JAML: variants seen among roughly 807,000 people sequenced by gnomAD.
JAML encodes junction adhesion molecule like.
JAML carries 25 observed loss-of-function variants against 39.3 expected under a neutral mutation model. The ratio of observed to expected loss-of-function variants is 0.64; its 90% CI spans 0.46 to 0.89. JAML has a LOEUF of 0.89. Among genes scored for constraint, JAML ranks in the 40% least tolerant of loss-of-function variants. The pLI is 0.00. For synonymous variants in JAML, 162 were observed against 179.2 expected (o/e 0.90, Z 0.77); for missense variants, 440 against 486.9 (o/e 0.90, Z 0.91).
rs988125006 is a variant in JAML at position 118,221,777 on chromosome 11, T to C, written c.-21+3164A>G. On this transcript the variant is annotated intron_variant, in intron 1 of 9. Coordinates refer to ENST00000356289, the MANE Select transcript of JAML (RefSeq NM_001098526.2). ...GAGTCTTTTGTGGTTTAATCATTTA[T>C]TGATTCTTTTCCCCTCCATGGAGAG... is the stretch of plus-strand genomic sequence containing the variant. Among the ~76,000 whole-genome samples, 9 of 152,348 alleles carry C rather than the reference T, an allele frequency of 5.9e-5. 1 individual carries two copies. The South Asian group carries it at 1.0e-3, about 18-fold the overall frequency.
chr11:118,213,163 G>T, intron 2 of JAML: 1 of 1,400,144 alleles, frequency 7.1e-7, no homozygotes. Context: ...CAGCTTTCCA[G>T]CCTCTAGGTG....
At chr11:118,221,707 C>T (rs1316767825) in intron 1 of JAML, among the ~76,000 whole-genome samples, 1 of 152,172 alleles carries the variant, frequency 6.6e-6, no homozygotes, top group East Asian at 1.9e-4. Context: ...TAAAGCTTTG[C>T]CCTCTCACAG....
intron 1 of JAML, among the ~76,000 whole-genome samples, chr11:118,221,442 C>T (rs538667977): frequency 2.6e-5 from 4 of 152,320 alleles, no homozygotes; most frequent in East Asian, 3.9e-4. Context: ...ACTGTTCCAC[C>T]TCAGATCACC....
intron 2 of JAML, chr11:118,213,460 G>T (rs916960015): frequency 1.1e-4 from 31 of 270,420 alleles, no homozygotes; most frequent in Non-Finnish European, 1.6e-4. Flanking sequence ...CAGCAGGGAG[G>T]ACACAAAAGA....
intron 5 of JAML, chr11:118,203,867 C>T (rs2134654385): frequency 1.8e-6 from 1 of 551,876 alleles, no homozygotes; most frequent in South Asian, 2.3e-5. Flanking sequence ...CATCACAAAA[C>T]CATGAACAGT....
chr11:118,211,444 T>C (rs1467668574), intron 3 of JAML, among the ~76,000 whole-genome samples: 1 of 152,094 alleles, frequency 6.6e-6, no homozygotes, highest in African/African-American at 2.4e-5. Flanking sequence ...GATGGGGTTT[T>C]GCCATGTTGC....
intron 1 of JAML, among the ~76,000 whole-genome samples, chr11:118,215,953 C>T (rs189344086): frequency 1.3e-5 from 2 of 152,260 alleles, no homozygotes; most frequent in Middle Eastern, 3.4e-3. Flanking sequence ...GCCACCCTGC[C>T]GCTGGGGAGA....
intron 1 of JAML, among the ~76,000 whole-genome samples, chr11:118,223,225 A>G (rs1016794505): frequency 3.9e-5 from 6 of 152,058 alleles, no homozygotes; most frequent in African/African-American, 1.4e-4. Context: ...TTTAAAGGGG[A>G]TTACTTAGTT....
At chr11:118,205,721 T>C in intron 5 of JAML, 161 bp downstream of exon 5, 1 of 622,074 alleles carries the variant, frequency 1.6e-6, no homozygotes, top group Admixed American at 2.9e-5. Flanking sequence ...ATTGGAGTTA[T>C]CTTTCCCACC....
rs1210449070 is a variant in JAML at position 118,219,314 on chromosome 11, C to T, written c.-20-4428G>A. Among the ~76,000 whole-genome samples the T allele has an allele frequency of 2.0e-5, 3 of 152,150 alleles. No individual in the cohort carries two copies. In the East Asian group the frequency reaches 5.8e-4, roughly 29 times the overall value. ...ATGCAGAGAAAAGGGGACTCTTATA[C>T]ATTATTGGTAGGAATGCAAACTAGT... On this transcript the variant is annotated intron_variant, in intron 1 of 9. Transcript: ENST00000356289.
Position 118,198,058 on chromosome 11 carries a change from C to T in JAML, c.945G>A (p.Thr315=), listed in dbSNP as rs764401421. The stretch of plus-strand genomic sequence containing the variant: ...CTTTTATCTCTGGATTAGTCTTCTT[C>T]GTGTTCTTCACCAAGACTGTAGAAT... ...SVNSTVLVKN[T]KKTNPEIKEK... The change falls in exon 8 of 10, where the codon ACG becomes ACA. Residue 315 remains threonine, a synonymous_variant. Coordinates refer to ENST00000356289, the MANE Select transcript of JAML (RefSeq NM_001098526.2). 9.3e-6 allele frequency: 15 copies of T among 1,614,034 alleles called. No individual in the cohort carries two copies. The highest frequency in any genetic ancestry group is 2.2e-5 in the East Asian group (1 of 44,900).
intron 1 of JAML, among the ~76,000 whole-genome samples, chr11:118,223,575 G>A (rs570762990): frequency 7.2e-5 from 11 of 152,246 alleles, no homozygotes; most frequent in Admixed American, 1.3e-4. Context: ...AGAGGAAATA[G>A]ATTCGGTTGG....
At chr11:118,210,087 A>G (rs1189379952) in intron 4 of JAML, among the ~76,000 whole-genome samples, 1 of 152,182 alleles carries the variant, frequency 6.6e-6, no homozygotes, top group Non-Finnish European at 1.5e-5. Context: ...TAAAATACAG[A>G]TGTAGCATCA....
At chr11:118,200,721 AG>A in intron 6 of JAML, 109 bp from the exon 7 acceptor site, 1 of 1,276,088 alleles carries the variant, frequency 7.8e-7, no homozygotes, top group Non-Finnish European at 1.1e-6. Context: ...GCGGAGGGGA[AG>A]GCCAGACTCC....
intron 6 of JAML, 72 bp from the exon 7 acceptor site, chr11:118,200,684 A>G: frequency 6.4e-7 from 1 of 1,561,294 alleles, no homozygotes; most frequent in Non-Finnish European, 8.8e-7. Flanking sequence ...ACAGCCCTAT[A>G]CCAAGTAGCA....
chr11:118,204,050 C>A, intron 5 of JAML: 2 of 223,534 alleles, frequency 8.9e-6, no homozygotes, highest in South Asian at 1.3e-4. Context: ...CAAACCAGTT[C>A]TTTCCAGTCC....
chr11:118,222,513 G>A lies in JAML; in HGVS notation c.-21+2428C>T, dbSNP rs1457183405. Among the ~76,000 whole-genome samples the A allele has an allele frequency of 6.6e-6, 1 of 152,138 alleles. No homozygotes were observed. Among genetic ancestry groups the A allele is most frequent in the Non-Finnish European group, 1.5e-5 (1 of 68,038 alleles). On this transcript the variant is annotated intron_variant, in intron 1 of 9. Coordinates refer to ENST00000356289, the MANE Select transcript of JAML (RefSeq NM_001098526.2). The surrounding 1 kb of genome is among the most constrained non-coding windows in gnomAD (Gnocchi z 4.2). The stretch of plus-strand genomic sequence containing the variant: ...TTTCTGTCTGTCTGTGTATTTATAT[G>A]TGTTGTATGTATAGTATTTATATAA...
At chr11:118,195,286 A>T (rs768666967) in intron 9 of JAML, among the ~76,000 whole-genome samples, 26 of 152,272 alleles carry the variant, frequency 1.7e-4, no homozygotes, top group Admixed American at 3.3e-4. Flanking sequence ...GGTGGAGTTA[A>T]TGTTTCACTC....
intron 1 of JAML, among the ~76,000 whole-genome samples, chr11:118,220,257 T>A (rs1049560191): frequency 6.6e-6 from 1 of 152,146 alleles, no homozygotes; most frequent in African/African-American, 2.4e-5. Context: ...CTGAACCGAT[T>A]ATCCGGTGCA....
Sources: allele counts gnomAD v4.1 joint callset (sites outside exome capture counted in the v4.1 genomes callset), GRCh38; gene constraint gnomAD v4.1.1; non-coding constraint Gnocchi (gnomAD v3.1); transcripts MANE v1.5; gene names NCBI Gene and HGNC (gene_info 2026-07-23, HGNC 2026-07-21).